The following NAV3 variants were observed in gnomAD, a reference collection of about 807,000 sequenced individuals.
NAV3 encodes the protein pore membrane and/or filament interacting like protein 1.
NAV3 carries 87 observed loss-of-function variants against 244.7 expected under a neutral mutation model. The ratio of observed to expected loss-of-function variants is 0.36; its 90% CI spans 0.30 to 0.42. The LOEUF (loss-of-function observed/expected upper bound fraction) is 0.42, where lower values mean the gene tolerates loss of function less well. NAV3 is among the 20% of genes least tolerant of loss of function. NAV3 has a pLI of 1.00. For synonymous variants in NAV3, 1,126 were observed against 1,042.2 expected, an observed-to-expected ratio of 1.08 and a Z score of -1.55; for missense variants, 2,663 against 2,893.3, an observed-to-expected ratio of 0.92 and a Z score of 1.83.
chr12:77,943,791 G>T (rs1052547573), intron 3 of NAV3, among the ~76,000 whole-genome samples: 1 of 152,090 alleles, frequency 6.6e-6, no homozygotes, highest in African/African-American at 2.4e-5. Context: ...GTTGCTGTTG[G>T]TGCTTAATAA....
chr12:77,596,759 A>G (rs1870186878), intron 2 of NAV3, among the ~76,000 whole-genome samples: 2 of 152,158 alleles, frequency 1.3e-5, no homozygotes, highest in South Asian at 4.1e-4. Flanking sequence ...GTAGTCATTA[A>G]CTATCGAAGG....
intron 2 of NAV3, among the ~76,000 whole-genome samples, chr12:77,727,657 A>G (rs1409758808): frequency 6.6e-6 from 1 of 151,984 alleles, no homozygotes; most frequent in Admixed American, 6.6e-5. Flanking sequence ...GACAGGGCCC[A>G]GGTTCTAAAA....
At chr12:77,976,666 C>CTTT (rs1295751885) in intron 5 of NAV3, among the ~76,000 whole-genome samples, 70 of 58,042 alleles carry the variant, frequency 1.2e-3, no homozygotes, top group African/African-American at 4.3e-3. Flanking sequence ...TTCTTTCTTT[C>CTTT]TTTTTTTCTT....
chr12:77,659,508 G>C (rs1394715745), intron 2 of NAV3, among the ~76,000 whole-genome samples: 2 of 152,214 alleles, frequency 1.3e-5, no homozygotes, highest in Non-Finnish European at 2.9e-5. Context: ...TTACACTGTT[G>C]TTGGGACTGT....
chr12:77,890,089 A>G (rs952718916), intron 1 of NAV3, among the ~76,000 whole-genome samples: 5 of 152,196 alleles, frequency 3.3e-5, no homozygotes, highest in Non-Finnish European at 5.9e-5. Flanking sequence ...TGTTAGTCTC[A>G]TAAAGCTTTA....
chr12:77,925,164 T>G (rs563123483), intron 1 of NAV3, among the ~76,000 whole-genome samples: 132 of 152,204 alleles, frequency 8.7e-4, no homozygotes, highest in Admixed American at 2.0e-3. Flanking sequence ...TAGTGAGAAT[T>G]TTTACTTTTT....
intron 7 of NAV3, among the ~76,000 whole-genome samples, chr12:78,003,076 A>T (rs1237220662): frequency 6.6e-6 from 1 of 151,030 alleles, no homozygotes; most frequent in Non-Finnish European, 1.5e-5. Flanking sequence ...TGCAGAATGA[A>T]CAGCTCTTCT....
chr12:78,140,955 A>G (rs1050147734), intron 20 of NAV3, among the ~76,000 whole-genome samples: 1 of 152,006 alleles, frequency 6.6e-6, no homozygotes, highest in Admixed American at 6.6e-5. Flanking sequence ...ACAATGACAC[A>G]ATCATAGCTC....
intron 2 of NAV3, among the ~76,000 whole-genome samples, chr12:77,601,233 C>T (rs939686879): frequency 6.6e-6 from 1 of 151,660 alleles, no homozygotes; most frequent in Non-Finnish European, 1.5e-5. Context: ...AGTGACATGC[C>T]CAGGGTCATC....
intron 2 of NAV3, among the ~76,000 whole-genome samples, chr12:77,573,263 A>T (rs1361181565): frequency 6.6e-6 from 1 of 152,166 alleles, no homozygotes; most frequent in Non-Finnish European, 1.5e-5. Context: ...TGGTGGAGGT[A>T]AGTTTAGAAG....
At chr12:77,917,274 C>T (rs1887241398) in intron 1 of NAV3, among the ~76,000 whole-genome samples, 1 of 151,808 alleles carries the variant, frequency 6.6e-6, no homozygotes, top group African/African-American at 2.4e-5. Context: ...TCAAATTTAC[C>T]CAAGATTATA....
chr12:77,715,967 G>A (rs145159489), intron 2 of NAV3, among the ~76,000 whole-genome samples: 3 of 152,072 alleles, frequency 2.0e-5, no homozygotes, highest in East Asian at 1.9e-4. Context: ...ATAGAGTTGG[G>A]ACCATTATCA....
At chr12:77,589,303 A>G (rs756554200) in intron 2 of NAV3, among the ~76,000 whole-genome samples, 30 of 151,986 alleles carry the variant, frequency 2.0e-4, no homozygotes, top group Non-Finnish European at 4.4e-5. Flanking sequence ...AAACTGTTCT[A>G]TCCTCTGTCT....
At chr12:78,028,012 C>CT (rs1186004961) in intron 9 of NAV3, among the ~76,000 whole-genome samples, 3 of 151,676 alleles carry the variant, frequency 2.0e-5, no homozygotes, top group Non-Finnish European at 4.4e-5. Flanking sequence ...GTTGGAGAGA[C>CT]TAGACTGTGG....
At position 77,765,330 on chromosome 12, in the gene NAV3, T is replaced by C. The variant is rs372417101; in HGVS notation, c.73-174989T>C. On this transcript the variant is annotated intron_variant, in intron 2 of 8. Coordinates refer to the NAV3 transcript ENST00000550042. ...AATTTGTTCACTGATCAAAACCTAATTGTGAAAGGATCCCCTGAAATCTAG... is the reference window on the plus strand; with the variant it reads ...AATTTGTTCACTGATCAAAACCTAACTGTGAAAGGATCCCCTGAAATCTAG... 1.1e-3 allele frequency among the ~76,000 whole-genome samples: 173 copies of C among 152,330 alleles called. 3 individuals are homozygous for C. The South Asian group carries it at 0.034, about 30-fold the overall frequency.
At chr12:77,988,366 A>G (rs1870896881) in intron 5 of NAV3, among the ~76,000 whole-genome samples, 1 of 152,172 alleles carries the variant, frequency 6.6e-6, no homozygotes, top group Non-Finnish European at 1.5e-5. Flanking sequence ...CTTACAATAA[A>G]TGGATTTTAT....
intron 2 of NAV3, among the ~76,000 whole-genome samples, chr12:77,645,358 C>A (rs114385364): frequency 1.2e-3 from 177 of 151,122 alleles, no homozygotes; most frequent in African/African-American, 4.0e-3. Context: ...TCAAATTATA[C>A]CTCAGCTGGA....
chr12:78,006,711 C>A lies in NAV3; in HGVS notation c.1173C>A (p.Val391=), dbSNP rs2136566885. 1 of 1,614,110 alleles carries A rather than the reference C, an allele frequency of 6.2e-7. No homozygotes were observed. The highest frequency in any genetic ancestry group is 8.5e-7 in the Non-Finnish European group (1 of 1,180,020). ...QKSMLEKFKL[V]NARTALRPPQ... is the part of the protein sequence containing the mutation. ...CCATGCTTGAGAAATTCAAGCTAGTCAATGCCCGGACTGCTTTACGCCCCC... is the reference window on the plus strand; with the variant it reads ...CCATGCTTGAGAAATTCAAGCTAGTAAATGCCCGGACTGCTTTACGCCCCC... The change falls in exon 8 of 40, where the codon GTC becomes GTA. Residue 391 remains valine (V), a synonymous_variant. Coordinates refer to ENST00000397909, the MANE Select transcript of NAV3 (RefSeq NM_001024383.2).
At chr12:77,823,206 A>G (rs2136037691) in intron 2 of NAV3, among the ~76,000 whole-genome samples, 1 of 152,256 alleles carries the variant, frequency 6.6e-6, no homozygotes. Flanking sequence ...AAGTTTAGGA[A>G]AGCCTCAAGG....
Sources: gnomAD v4.1 joint callset for allele counts (sites outside exome capture counted in the v4.1 genomes callset) on GRCh38, gnomAD v4.1.1 for gene constraint, MANE v1.5 for transcripts, NCBI Gene and HGNC (gene_info 2026-07-23, HGNC 2026-07-21) for gene names.